PRKG1: variants seen among roughly 807,000 people sequenced by gnomAD.
The protein encoded by PRKG1 is protein kinase cGMP-dependent 1, also known as cGMP-dependent protein kinase 1.
A neutral mutation model predicts 88.1 loss-of-function variants in PRKG1; 35 were observed. The observed-to-expected ratio is 0.40, with a 90% CI of 0.30 to 0.53. PRKG1 has a LOEUF of 0.53. Ranked by LOEUF, PRKG1 falls within the 20% of genes least tolerant of loss-of-function variation. PRKG1 has a pLI of 0.59. For synonymous variants in PRKG1, 303 were observed against 292.5 expected (o/e 1.04, Z -0.37); for missense variants, 540 against 839.8 (o/e 0.64, Z 4.41).
intron 9 of PRKG1, among the ~76,000 whole-genome samples, chr10:52,204,023 G>A (rs1839744661): frequency 6.6e-6 from 1 of 151,882 alleles, no homozygotes; most frequent in Admixed American, 6.6e-5. Flanking sequence ...TTACATTCAA[G>A]GTTAATATTA....
chr10:51,265,046 G>C (rs1183724404), intron 2 of PRKG1, among the ~76,000 whole-genome samples: 2 of 151,964 alleles, frequency 1.3e-5, no homozygotes, highest in Non-Finnish European at 2.9e-5. Context: ...TTCAGATAAT[G>C]AGGCTACTTT....
chr10:51,574,777 G>A (rs545377723), intron 3 of PRKG1, among the ~76,000 whole-genome samples: 27 of 152,046 alleles, frequency 1.8e-4, no homozygotes, highest in African/African-American at 6.3e-4. Context: ...AGACTTTATA[G>A]CCTTCTCAGT....
chr10:51,725,724 C>G (rs1239588212), intron 3 of PRKG1, among the ~76,000 whole-genome samples: 3 of 151,832 alleles, frequency 2.0e-5, no homozygotes, highest in Non-Finnish European at 2.9e-5. Context: ...ACCTCCACCT[C>G]CTGGGCTCAA....
At chr10:51,192,189 T>C (rs2132041684) in intron 2 of PRKG1, among the ~76,000 whole-genome samples, 1 of 151,770 alleles carries the variant, frequency 6.6e-6, no homozygotes, top group East Asian at 1.9e-4. Flanking sequence ...ATATAAGTAA[T>C]GTAGGGTAGA....
chr10:51,250,948 A>C (rs1040769778), intron 2 of PRKG1, among the ~76,000 whole-genome samples: 1 of 151,716 alleles, frequency 6.6e-6, no homozygotes, highest in African/African-American at 2.4e-5. Flanking sequence ...AGAATACAGA[A>C]CTAGAGCTGC....
chr10:51,330,124 TA>T (rs1841697109), intron 2 of PRKG1, among the ~76,000 whole-genome samples: 1 of 144,100 alleles, frequency 6.9e-6, no homozygotes, highest in African/African-American at 2.5e-5. Flanking sequence ...TTTATTTATT[TA>T]TTTATTTATT....
chr10:51,198,943 A>C (rs1412867320), intron 2 of PRKG1, among the ~76,000 whole-genome samples: 3 of 152,244 alleles, frequency 2.0e-5, no homozygotes, highest in Non-Finnish European at 4.4e-5. Flanking sequence ...GCACTTTTGG[A>C]AATGCAACTG....
intron 3 of PRKG1, among the ~76,000 whole-genome samples, chr10:51,584,089 A>G (rs932915580): frequency 1.3e-5 from 2 of 152,078 alleles, no homozygotes; most frequent in African/African-American, 4.8e-5. Context: ...AACATTTCCC[A>G]GGTATTTTTG....
chr10:51,594,547 A>G (rs373430809), intron 3 of PRKG1, among the ~76,000 whole-genome samples: 46 of 152,376 alleles, frequency 3.0e-4, no homozygotes, highest in African/African-American at 1.1e-3. Flanking sequence ...CACTCCATTT[A>G]CATCAATCTC....
At chr10:51,202,979 A>G (rs1837951673) in intron 2 of PRKG1, among the ~76,000 whole-genome samples, 2 of 152,228 alleles carry the variant, frequency 1.3e-5, no homozygotes, top group South Asian at 4.1e-4. Flanking sequence ...TGGAGAGACC[A>G]GTAAGAAAGC....
intron 4 of PRKG1, among the ~76,000 whole-genome samples, chr10:51,894,462 C>G (rs979815528): frequency 6.6e-6 from 1 of 152,120 alleles, no homozygotes; most frequent in African/African-American, 2.4e-5. Flanking sequence ...GTTCTGGAGA[C>G]AGACAGTGGT....
At chr10:52,074,121 G>A (rs920973960) in intron 7 of PRKG1, among the ~76,000 whole-genome samples, 1 of 152,036 alleles carries the variant, frequency 6.6e-6, no homozygotes, top group African/African-American at 2.4e-5. Context: ...TCTTGATTTA[G>A]CTCATTATAA....
At chr10:51,489,868 T>C (rs148802950) in intron 3 of PRKG1, among the ~76,000 whole-genome samples, 130 of 152,246 alleles carry the variant, frequency 8.5e-4, no homozygotes, top group African/African-American at 3.0e-3. Flanking sequence ...CAATAGCTAG[T>C]CATTTTCAGA....
chr10:51,540,756 G>A (rs1444073978), intron 3 of PRKG1, among the ~76,000 whole-genome samples: 1 of 151,950 alleles, frequency 6.6e-6, no homozygotes, highest in East Asian at 1.9e-4. Context: ...GTCTTGCTCT[G>A]TCACCCAGGC....
intron 7 of PRKG1, among the ~76,000 whole-genome samples, chr10:52,101,500 A>G (rs1470272442): frequency 6.6e-6 from 1 of 152,180 alleles, no homozygotes; most frequent in African/African-American, 2.4e-5. Flanking sequence ...TCATATAAAC[A>G]ATGAAGAAGC....
rs869105973 is a variant in PRKG1, at chr10:51,218,490, CATATATATATATATATATAT to C, written c.478+65182_478+65201del. Among the ~76,000 whole-genome samples the C allele has an allele frequency of 4.9e-4, 20 of 40,776 alleles. No homozygotes were observed. In the East Asian group the frequency reaches 8.8e-3, roughly 18 times the overall value. The allele number at this position is 40,776 out of a possible 152,430, so 26.8% of individuals were successfully genotyped here. A position where few individuals can be genotyped will look rare whatever the true frequency, so the allele number is the denominator to read the frequency against. ...ACTTTCATTATAGTTCATCTATCTT[CATATATATATATATATATAT>C]ATATATATATATATATATATAAAAT... On this transcript the variant is annotated intron_variant, in intron 2 of 17. Coordinates refer to ENST00000373980, the MANE Select transcript of PRKG1 (RefSeq NM_006258.4).
At chr10:51,250,951 A>G (rs184966549) in intron 2 of PRKG1, among the ~76,000 whole-genome samples, 2 of 151,900 alleles carry the variant, frequency 1.3e-5, no homozygotes, top group East Asian at 3.9e-4. Context: ...ATACAGAACT[A>G]GAGCTGCGAT....
At chr10:51,544,337 A>C (rs1437637843) in intron 3 of PRKG1, among the ~76,000 whole-genome samples, 1 of 151,898 alleles carries the variant, frequency 6.6e-6, no homozygotes, top group Non-Finnish European at 1.5e-5. Flanking sequence ...TAGTTTGCTG[A>C]GATTGATGGT....
chr10:51,683,892 A>G (rs1441630097), intron 3 of PRKG1, among the ~76,000 whole-genome samples: 1 of 152,236 alleles, frequency 6.6e-6, no homozygotes. Context: ...TTGCAGTTAC[A>G]AGAGGATGTA....
Sources: gnomAD v4.1 joint callset for allele counts (sites outside exome capture counted in the v4.1 genomes callset) on GRCh38, gnomAD v4.1.1 for gene constraint, MANE v1.5 for transcripts, NCBI Gene and HGNC (gene_info 2026-07-23, HGNC 2026-07-21) for gene names.